Variants in REV3L observed in about 807,000 individuals in gnomAD.
The protein encoded by REV3L is DNA polymerase zeta catalytic subunit.
Under a neutral mutation model 299.4 loss-of-function variants are expected in REV3L, and 69 were observed. That is an observed-to-expected ratio of 0.23 (90% confidence interval 0.19 to 0.28). The LOEUF (loss-of-function observed/expected upper bound fraction) is 0.28, where lower values mean the gene tolerates loss of function less well. Among genes scored for constraint, REV3L ranks in the 10% least tolerant of loss-of-function variants. REV3L has a pLI of 1.00. For synonymous variants in REV3L, 1,238 were observed against 1,271.4 expected (o/e 0.97, Z 0.56); for missense variants, 3,128 against 3,693.8 (o/e 0.85, Z 3.97).
intron 10 of REV3L, 36 bp from the exon 11 acceptor site, chr6:111,380,255 T>C (rs1437012678): frequency 6.8e-7 from 1 of 1,471,860 alleles, no homozygotes; most frequent in East Asian, 2.3e-5. Flanking sequence ...AACAAATAAG[T>C]TTTCTTTTTT....
At chr6:111,388,410 A>G (rs1051105561) in intron 7 of REV3L, among the ~76,000 whole-genome samples, 1 of 152,190 alleles carries the variant, frequency 6.6e-6, no homozygotes, top group Non-Finnish European at 1.5e-5. Context: ...TCTATTTTTA[A>G]AAGTATAAAA....
At chr6:111,479,122 T>C (rs532448761) in intron 1 of REV3L, among the ~76,000 whole-genome samples, 18 of 152,328 alleles carry the variant, frequency 1.2e-4, no homozygotes, top group African/African-American at 4.3e-4. Context: ...GTCAAATCCT[T>C]AAATGAAGCC....
Position 111,483,029 on chromosome 6 carries a change from G to T in REV3L, c.-141C>A. The T allele has an allele frequency of 9.3e-7, 1 of 1,072,554 alleles. No homozygotes were observed. The highest frequency in any genetic ancestry group is 1.2e-6 in the Non-Finnish European group (1 of 812,410). 66.4% of individuals were successfully genotyped at this position (1,072,554 alleles called of 1,614,324 possible). On this transcript the variant is annotated 5_prime_UTR_variant, in exon 1 of 32. Coordinates refer to ENST00000368802, the MANE Select transcript of REV3L (RefSeq NM_001372078.1). ...CTCCCCTCACACAGAGGCACCTCGA[G>T]GAGCGGCGGGCGGGGCGGTGTAGGC... is the stretch of plus-strand genomic sequence containing the variant.
chr6:111,313,454 C>T lies in REV3L; in HGVS notation c.8502G>A (p.Arg2834=), dbSNP rs761670098. 9 of 1,611,942 alleles carry T rather than the reference C, an allele frequency of 5.6e-6. 1 individual carries two copies. In the South Asian group the frequency reaches 9.9e-5, roughly 18 times the overall value. The part of the protein sequence containing the change: ...YLPCVLQTKK[R]YVGYMYETLD... ...GTGTTTCATACATGTAACCCACATA[C>T]CTCTTTTTTGTTTGTAAAACACAGG... The change falls in exon 28 of 32, where the codon AGG becomes AGA. Residue 2834 remains arginine, a synonymous_variant. Transcript: ENST00000368802.
chr6:111,479,299 T>C (rs1793321007), intron 1 of REV3L, among the ~76,000 whole-genome samples: 1 of 152,224 alleles, frequency 6.6e-6, no homozygotes, highest in Non-Finnish European at 1.5e-5. Context: ...CTACAAATGA[T>C]ACTGCTCAAT....
At chr6:111,434,786 A>G (rs1787358608) in intron 1 of REV3L, among the ~76,000 whole-genome samples, 1 of 152,206 alleles carries the variant, frequency 6.6e-6, no homozygotes, top group Non-Finnish European at 1.5e-5. Flanking sequence ...CTAAGAATCA[A>G]TCCAACCAAA....
intron 1 of REV3L, among the ~76,000 whole-genome samples, chr6:111,430,028 A>T (rs777527330): frequency 6.6e-6 from 1 of 152,132 alleles, no homozygotes; most frequent in Non-Finnish European, 1.5e-5. Flanking sequence ...AGAGAAAGAA[A>T]GGAGACAAGC....
intron 25 of REV3L, among the ~76,000 whole-genome samples, chr6:111,328,605 G>T (rs1775071921): frequency 6.6e-6 from 1 of 152,124 alleles, no homozygotes. Flanking sequence ...TTGGAATAAA[G>T]ACACAGAGGT....
At chr6:111,424,620 G>A (rs1290391783) in intron 1 of REV3L, among the ~76,000 whole-genome samples, 1 of 152,152 alleles carries the variant, frequency 6.6e-6, no homozygotes, top group Non-Finnish European at 1.5e-5. Context: ...GTAAAAACCA[G>A]CAGCCAGGCA....
chr6:111,349,448 T>A (rs1429974992), intron 19 of REV3L, 112 bp from the exon 20 acceptor site: 3 of 492,090 alleles, frequency 6.1e-6, no homozygotes, highest in African/African-American at 5.9e-5. Context: ...AGATGAAATA[T>A]AATTCACAAT....
chr6:111,453,329 A>C (rs1017524657), intron 1 of REV3L, among the ~76,000 whole-genome samples: 1 of 152,184 alleles, frequency 6.6e-6, no homozygotes, highest in African/African-American at 2.4e-5. Flanking sequence ...ATATATATCA[A>C]CTGGGTTTGC....
chr6:111,346,464 T>TA (rs1302494305), intron 20 of REV3L, among the ~76,000 whole-genome samples: 1 of 152,158 alleles, frequency 6.6e-6, no homozygotes, highest in African/African-American at 2.4e-5. Flanking sequence ...ACTTGTATAT[T>TA]AAAAAAACAA....
chr6:111,347,906 C>T (rs1021585295), intron 20 of REV3L, among the ~76,000 whole-genome samples: 2 of 152,098 alleles, frequency 1.3e-5, no homozygotes, highest in Non-Finnish European at 2.9e-5. Flanking sequence ...GATCCTCCCA[C>T]CTCAGCCTTC....
intron 27 of REV3L, 73 bp from the exon 28 acceptor site, chr6:111,313,562 T>G: frequency 7.0e-7 from 1 of 1,420,782 alleles, no homozygotes; most frequent in South Asian, 1.4e-5. Flanking sequence ...TTTATGTCTT[T>G]GTGCTTTCTT....
In REV3L at chr6:111,374,802, A is replaced by G; in HGVS notation, c.3553T>C (p.Ser1185Pro). Reference sequence around the variant, plus strand: ...TTGTTCCTTTTCTTAGTAACTATAGAGGGATTAGCAAGCTTTGCTTTTGAT... The same window carrying G: ...TTGTTCCTTTTCTTAGTAACTATAGGGGGATTAGCAAGCTTTGCTTTTGAT... Reference protein sequence around the residue: ...KKSKAKLANPSIVTKKRNKRN... With the variant: ...KKSKAKLANPPIVTKKRNKRN... The change falls in exon 13 of 32, where the codon TCT becomes CCT. Residue 1185 changes from serine to proline, a missense_variant. By Grantham distance (74) the Ser-to-Pro change is moderately conservative. Around this residue, in one of 9 missense-constraint regions of REV3L, gnomAD observed 2,409 missense variants for 2,611.8 expected, o/e 0.92. Coordinates refer to ENST00000368802, the MANE Select transcript of REV3L (RefSeq NM_001372078.1). 1 of 1,612,912 alleles carries G rather than the reference A, an allele frequency of 6.2e-7. No individual in the cohort carries two copies. Among genetic ancestry groups the G allele is most frequent in the Non-Finnish European group, 8.5e-7 (1 of 1,179,728 alleles).
chr6:111,349,355 A>T lies in REV3L; in HGVS notation c.7301-19T>A. On this transcript the variant is annotated intron_variant, in intron 19 of 31. Transcript: ENST00000368802. The stretch of plus-strand genomic sequence containing the variant: ...TTGTCATCTATAGAAATGAAAACAG[A>T]CTGTATCAGGGCTCACAGAAAACAA... 1 of 1,277,740 alleles carries T rather than the reference A, an allele frequency of 7.8e-7. No individual in the cohort carries two copies. Among genetic ancestry groups the T allele is most frequent in the Non-Finnish European group, 1.1e-6 (1 of 883,610 alleles). 79.2% of individuals were successfully genotyped at this position (1,277,740 alleles called of 1,614,324 possible).
intron 9 of REV3L, among the ~76,000 whole-genome samples, chr6:111,382,936 C>G (rs1780980302): frequency 2.0e-5 from 3 of 152,134 alleles, no homozygotes; most frequent in Admixed American, 2.0e-4. Context: ...GAGGTAGAGT[C>G]GTGACACACA....
chr6:111,407,902 C>A (rs1013217438), intron 3 of REV3L, among the ~76,000 whole-genome samples: 2 of 152,124 alleles, frequency 1.3e-5, no homozygotes, highest in Admixed American at 6.6e-5. Flanking sequence ...TGCCATTGAC[C>A]TCCAGCCTGA....
At chr6:111,380,987 C>T (rs1049881187) in intron 10 of REV3L, among the ~76,000 whole-genome samples, 2 of 152,238 alleles carry the variant, frequency 1.3e-5, no homozygotes, top group Admixed American at 6.5e-5. Context: ...ATTTGTGATA[C>T]TCACCAAGAA....
Sources: allele counts gnomAD v4.1 joint callset (sites outside exome capture counted in the v4.1 genomes callset), GRCh38; gene constraint gnomAD v4.1.1; regional missense constraint gnomAD v4.1.1; transcripts MANE v1.5; gene names NCBI Gene and HGNC (gene_info 2026-07-23, HGNC 2026-07-21).